Variants in DDX31 observed in about 807,000 individuals in gnomAD.
The protein encoded by DDX31 is ATP-dependent DNA helicase DDX31.
In DDX31, 70 loss-of-function variants were observed where a neutral mutation model predicts 91.3. The ratio of observed to expected loss-of-function variants is 0.77; its 90% CI spans 0.63 to 0.94. DDX31 has a LOEUF of 0.94. Among genes scored for constraint, DDX31 ranks in the 40% least tolerant of loss-of-function variants. The pLI is 0.00. For missense variants in DDX31, 902 were observed against 925.0 expected (o/e 0.98, Z 0.32); for synonymous variants, 362 against 350.6 (o/e 1.03, Z -0.36).
intron 16 of DDX31, among the ~76,000 whole-genome samples, chr9:132,627,150 AT>A (rs1832446740): frequency 6.6e-6 from 1 of 152,212 alleles, no homozygotes; most frequent in Non-Finnish European, 1.5e-5. Context: ...AAATGCAAGA[AT>A]TTGGAGTCAA....
rs1164689431 is a variant in DDX31 at position 132,595,328 on chromosome 9, G to A, written c.1995-216C>T. On this transcript the variant is annotated intron_variant, in intron 19 of 19. Transcript: ENST00000372159. This position sits in a 1 kb window ranked among gnomAD's most constrained non-coding sequence, Gnocchi z 4.6. ...TTTCATAACAGCGGCAAAATATCAT[G>A]GCATTTTTAAAAGTGAGGCTTTGTT... Among the ~76,000 whole-genome samples the A allele has an allele frequency of 2.0e-5, 3 of 152,106 alleles. No individual in the cohort carries two copies. Among genetic ancestry groups the A allele is most frequent in the Non-Finnish European group, 1.5e-5 (1 of 68,016 alleles).
At chr9:132,601,206 C>T (rs889568521) in intron 19 of DDX31, among the ~76,000 whole-genome samples, 1 of 152,174 alleles carries the variant, frequency 6.6e-6, no homozygotes. Flanking sequence ...GCAGGAACAG[C>T]TAATACACTG....
intron 6 of DDX31, among the ~76,000 whole-genome samples, chr9:132,655,915 G>A (rs897901174): frequency 5.3e-5 from 8 of 152,160 alleles, no homozygotes; most frequent in African/African-American, 1.9e-4. Context: ...ACTCAACATC[G>A]ACTTTGTGAG....
At chr9:132,658,132 C>T in intron 6 of DDX31, 1 of 570,468 alleles carries the variant, frequency 1.8e-6, no homozygotes, top group Non-Finnish European at 3.1e-6. Context: ...TGTAAAAGGT[C>T]CCACGTTAGG....
At chr9:132,651,159 CTTTT>C (rs200786970) in intron 7 of DDX31, 43 bp from the exon 8 acceptor site, 3 of 1,253,228 alleles carry the variant, frequency 2.4e-6, no homozygotes, top group African/African-American at 1.6e-5. Context: ...CAGGATCCCC[CTTTT>C]TTTTTTTTTA....
chr9:132,656,238 G>C (rs1234097548), intron 6 of DDX31, among the ~76,000 whole-genome samples: 2 of 152,086 alleles, frequency 1.3e-5, no homozygotes, highest in African/African-American at 2.4e-5. Flanking sequence ...CTTTTTACAG[G>C]TCAAATCATT....
At chr9:132,650,976 A>G in intron 8 of DDX31, 99 bp downstream of exon 8, 1 of 1,242,600 alleles carries the variant, frequency 8.0e-7, no homozygotes, top group Non-Finnish European at 1.1e-6. Context: ...AAAAGGAAAT[A>G]ATTCTTATCT....
At chr9:132,614,321 T>C (rs899556279) in intron 18 of DDX31, among the ~76,000 whole-genome samples, 4 of 152,112 alleles carry the variant, frequency 2.6e-5, no homozygotes, top group Non-Finnish European at 4.4e-5. Context: ...AGGGACTTTT[T>C]CAAAGAAAAT....
At chr9:132,669,635 C>T (rs2130882876) in intron 1 of DDX31, 1 of 1,530,280 alleles carries the variant, frequency 6.5e-7, no homozygotes, top group Non-Finnish European at 8.7e-7. Flanking sequence ...AGCTCCCCGC[C>T]CCTCCACACC....
In DDX31 at chr9:132,619,606, T is replaced by C. The variant is rs114587256; in HGVS notation, c.1714-1165A>G. On this transcript the variant is annotated intron_variant, in intron 17 of 19. Transcript: ENST00000372159. Reference sequence around the variant, plus strand: ...TAAGAGACTTAACAACGTGAAAATGTTTTTAGTTTAGTCAAATCATTCCTG... The same window carrying C: ...TAAGAGACTTAACAACGTGAAAATGCTTTTAGTTTAGTCAAATCATTCCTG... Among the ~76,000 whole-genome samples, 543 of 152,278 alleles carry C rather than the reference T, an allele frequency of 3.6e-3. 4 individuals are homozygous for C. Among genetic ancestry groups the C allele is most frequent in the African/African-American group, 0.012 (514 of 41,538 alleles).
intron 17 of DDX31, among the ~76,000 whole-genome samples, chr9:132,623,581 A>C (rs1325581340): frequency 2.0e-5 from 3 of 151,318 alleles, no homozygotes; most frequent in Admixed American, 2.0e-4. Context: ...AAAAAAAAAG[A>C]AAAAAGAAAA....
At chr9:132,644,612 G>C (rs1261570987) in intron 13 of DDX31, among the ~76,000 whole-genome samples, 2 of 152,194 alleles carry the variant, frequency 1.3e-5, no homozygotes, top group Non-Finnish European at 2.9e-5. Context: ...ATAGACTCTT[G>C]TGTGTGATCT....
At chr9:132,612,436 A>C in intron 18 of DDX31, 181 bp from the exon 19 acceptor site, 2 of 654,220 alleles carry the variant, frequency 3.1e-6, no homozygotes, top group Non-Finnish European at 5.1e-6. Context: ...CAATTCCTAA[A>C]CAACAAAAAG....
chr9:132,662,209 C>T (rs1350763857), intron 3 of DDX31, 52 bp downstream of exon 3: 23 of 1,587,756 alleles, frequency 1.4e-5, no homozygotes, highest in Admixed American at 3.4e-5. Context: ...ACCTTCTGAA[C>T]GGACAAACAC....
intron 8 of DDX31, 106 bp downstream of exon 8, chr9:132,650,969 A>G: frequency 8.4e-7 from 1 of 1,187,480 alleles, no homozygotes; most frequent in Non-Finnish European, 1.2e-6. Context: ...TCCAGGCAAA[A>G]GGAAATAATT....
At chr9:132,664,179 G>A (rs960963074) in intron 1 of DDX31, among the ~76,000 whole-genome samples, 1 of 152,162 alleles carries the variant, frequency 6.6e-6, no homozygotes, top group African/African-American at 2.4e-5. Context: ...AATAGTCTGA[G>A]GTATACTTTC....
At chr9:132,659,889 G>A (rs1834824231) in intron 4 of DDX31, 109 bp from the exon 5 acceptor site, 6 of 980,196 alleles carry the variant, frequency 6.1e-6, no homozygotes, top group Non-Finnish European at 9.4e-6. Context: ...TCTGGCAACT[G>A]CCTCCTTAGA....
At chr9:132,602,466 T>G (rs1250554709) in intron 19 of DDX31, among the ~76,000 whole-genome samples, 1 of 152,212 alleles carries the variant, frequency 6.6e-6, no homozygotes, top group Admixed American at 6.5e-5. Flanking sequence ...CCCCACACCC[T>G]ACACAACAAC....
At chr9:132,650,123 A>G (rs1346498303) in intron 9 of DDX31, 111 bp downstream of exon 9, 2 of 1,039,636 alleles carry the variant, frequency 1.9e-6, no homozygotes, top group Non-Finnish European at 3.0e-6. Context: ...CGGGACTAGG[A>G]AGCAGAGCCT....
Sources: gnomAD v4.1 joint callset for allele counts (sites outside exome capture counted in the v4.1 genomes callset) on GRCh38, gnomAD v4.1.1 for gene constraint, Gnocchi (gnomAD v3.1) non-coding constraint, MANE v1.5 for transcripts, NCBI Gene and HGNC (gene_info 2026-07-23, HGNC 2026-07-21) for gene names.